Variants in UNC5C observed in about 807,000 individuals in gnomAD.
UNC5C encodes unc-5 netrin receptor C.
Under a neutral mutation model 99.8 loss-of-function variants are expected in UNC5C, and 47 were observed. The ratio of observed to expected loss-of-function variants is 0.47; its 90% confidence interval spans 0.37 to 0.60. The LOEUF is 0.60. Ranked by LOEUF, UNC5C falls within the 20% of genes least tolerant of loss-of-function variation. UNC5C has a pLI of 0.00. For synonymous variants in UNC5C, 487 were observed against 452.2 expected (o/e 1.08, Z -0.98); for missense variants, 1,062 against 1,165.9 (o/e 0.91, Z 1.30).
At chr4:95,395,154 C>T (rs1177834828) in intron 1 of UNC5C, among the ~76,000 whole-genome samples, 1 of 152,098 alleles carries the variant, frequency 6.6e-6, no homozygotes, top group East Asian at 1.9e-4. Flanking sequence ...AAGGTGGGCC[C>T]ATATTATGGA....
At chr4:95,394,746 G>A (rs1260191035) in intron 1 of UNC5C, among the ~76,000 whole-genome samples, 1 of 151,072 alleles carries the variant, frequency 6.6e-6, no homozygotes, top group Non-Finnish European at 1.5e-5. Context: ...TTGCTAGAAA[G>A]TATGCTTTGC....
At chr4:95,244,936 AT>A (rs763139684) in intron 6 of UNC5C, 40 bp downstream of exon 6, 1 of 1,609,416 alleles carries the variant, frequency 6.2e-7, no homozygotes, top group African/African-American at 1.3e-5. Context: ...TGTTTCTTGA[AT>A]AATAGGAGAT....
intron 1 of UNC5C, among the ~76,000 whole-genome samples, chr4:95,390,858 C>G (rs1745336788): frequency 6.6e-6 from 1 of 152,106 alleles, no homozygotes; most frequent in Non-Finnish European, 1.5e-5. Context: ...TCCAGAGTAG[C>G]TAGGACTACA....
intron 1 of UNC5C, among the ~76,000 whole-genome samples, chr4:95,435,302 G>A (rs1457249567): frequency 2.4e-5 from 3 of 124,488 alleles, no homozygotes; most frequent in Non-Finnish European, 3.7e-5. Context: ...AAATCAAAAT[G>A]TTGTCATTTA....
intron 1 of UNC5C, among the ~76,000 whole-genome samples, chr4:95,376,729 T>G (rs901210566): frequency 2.0e-5 from 3 of 152,212 alleles, no homozygotes; most frequent in Non-Finnish European, 2.9e-5. Context: ...TTCTAAGTAT[T>G]TTCAAATTAC....
intron 1 of UNC5C, among the ~76,000 whole-genome samples, chr4:95,337,590 G>GA (rs1220146604): frequency 2.0e-5 from 3 of 151,816 alleles, no homozygotes; most frequent in African/African-American, 7.3e-5. Context: ...TAAATGCTGG[G>GA]AAAAAAGTGA....
Position 95,541,141 on chromosome 4 carries a change from A to G in UNC5C, c.124+7593T>C, listed in dbSNP as rs147046670. ...TAAAGGTAAAGTAGTCCCCCTGCTT[A>G]TCTGCAGTTCACTTTCTGCAGTTTC... On this transcript the variant is annotated intron_variant, in intron 1 of 15. Transcript: ENST00000453304. Among the ~76,000 whole-genome samples the G allele has an allele frequency of 8.3e-3, 1,265 of 152,318 alleles. 17 individuals carry two copies. The highest frequency in any genetic ancestry group is 0.029 in the African/African-American group (1,194 of 41,566).
intron 12 of UNC5C, among the ~76,000 whole-genome samples, chr4:95,185,633 T>C (rs1459688654): frequency 1.3e-5 from 2 of 152,202 alleles, no homozygotes; most frequent in African/African-American, 4.8e-5. Context: ...CTAGAAGAGA[T>C]ACTCATTCCT....
chr4:95,358,266 T>A (rs767257599), intron 1 of UNC5C, among the ~76,000 whole-genome samples: 8 of 152,226 alleles, frequency 5.3e-5, no homozygotes, highest in Non-Finnish European at 1.2e-4. Context: ...TGTGTCCTTT[T>A]TTAAAATCAT....
At chr4:95,348,785 A>G (rs888614420) in intron 1 of UNC5C, among the ~76,000 whole-genome samples, 21 of 151,730 alleles carry the variant, frequency 1.4e-4, no homozygotes, top group Non-Finnish European at 2.7e-4. Flanking sequence ...GTATTTAGTT[A>G]TAAAAAAAGA....
At chr4:95,266,965 C>G (rs1009267433) in intron 4 of UNC5C, among the ~76,000 whole-genome samples, 1 of 152,092 alleles carries the variant, frequency 6.6e-6, no homozygotes, top group Non-Finnish European at 1.5e-5. Context: ...TATTATTAAA[C>G]ATGATAAAAA....
chr4:95,222,424 G>A (rs191874909), intron 7 of UNC5C, among the ~76,000 whole-genome samples: 92 of 152,230 alleles, frequency 6.0e-4, no homozygotes, highest in African/African-American at 2.1e-3. Context: ...TGCATCTCCT[G>A]TCTGCTCTGG....
chr4:95,189,619 A>G (rs1736985970), intron 12 of UNC5C, among the ~76,000 whole-genome samples: 1 of 152,242 alleles, frequency 6.6e-6, no homozygotes, highest in East Asian at 1.9e-4. Context: ...TCCAGAATCT[A>G]CAATGAACTC....
chr4:95,400,786 G>T (rs77564999), intron 1 of UNC5C, among the ~76,000 whole-genome samples: 1 of 152,150 alleles, frequency 6.6e-6, no homozygotes, highest in Non-Finnish European at 1.5e-5. Context: ...CTCGAATGAG[G>T]ATGTGCCCCT....
chr4:95,194,203 C>T (rs1372391911), intron 12 of UNC5C, among the ~76,000 whole-genome samples: 1 of 152,206 alleles, frequency 6.6e-6, no homozygotes, highest in Non-Finnish European at 1.5e-5. Flanking sequence ...ACTTGTCTAC[C>T]TCTGGGCGTG....
chr4:95,238,508 T>A (rs539542433), intron 7 of UNC5C, among the ~76,000 whole-genome samples: 1 of 152,264 alleles, frequency 6.6e-6, no homozygotes, highest in African/African-American at 2.4e-5. Context: ...ACCATTTAGC[T>A]CCATCTTATT....
At chr4:95,230,304 A>T (rs1738865476) in intron 7 of UNC5C, among the ~76,000 whole-genome samples, 1 of 151,606 alleles carries the variant, frequency 6.6e-6, no homozygotes, top group African/African-American at 2.4e-5. Context: ...TTTTTTTCTT[A>T]TAAATTTGTT....
intron 1 of UNC5C, among the ~76,000 whole-genome samples, chr4:95,443,315 G>A (rs1747004906): frequency 6.6e-6 from 1 of 152,128 alleles, no homozygotes; most frequent in African/African-American, 2.4e-5. Context: ...AGGTCTTTGT[G>A]TATTTTTGTG....
In UNC5C at chr4:95,339,184, A is replaced by G. The variant is rs549675401; in HGVS notation, c.125-3553T>C. Among the ~76,000 whole-genome samples, 5 of 152,256 alleles carry G rather than the reference A, an allele frequency of 3.3e-5. No homozygotes were observed. The South Asian group carries it at 1.0e-3, about 32-fold the overall frequency. On this transcript the variant is annotated intron_variant, in intron 1 of 15. Transcript: ENST00000453304. ...TTCAGACTGAGAAACTCAGGCTCATATCAATTCTCTAAGCAAGCGTATTTG... is the reference window on the plus strand; with the variant it reads ...TTCAGACTGAGAAACTCAGGCTCATGTCAATTCTCTAAGCAAGCGTATTTG...
Sources: gnomAD v4.1 joint callset for allele counts (sites outside exome capture counted in the v4.1 genomes callset) on GRCh38, gnomAD v4.1.1 for gene constraint, MANE v1.5 for transcripts, NCBI Gene and HGNC (gene_info 2026-07-23, HGNC 2026-07-21) for gene names.